Variants in AKTIP observed in about 807,000 individuals in gnomAD.
AKTIP encodes the protein AKT interacting protein, also known as AKT-interacting protein.
AKTIP carries 16 observed loss-of-function variants against 39.1 expected under a neutral mutation model. That is an observed-to-expected ratio of 0.41 (90% CI 0.28 to 0.62). AKTIP has a LOEUF of 0.62. Ranked by LOEUF, AKTIP falls within the 20% of genes least tolerant of loss-of-function variation. The pLI is 0.32. For missense variants in AKTIP, 262 were observed against 356.6 expected, an observed-to-expected ratio of 0.73 and a Z score of 2.14; for synonymous variants, 93 against 124.3, an observed-to-expected ratio of 0.75 and a Z score of 1.67.
At chr16:53,495,920 TCA>T (rs1363071587) in intron 3 of AKTIP, among the ~76,000 whole-genome samples, 1 of 152,218 alleles carries the variant, frequency 6.6e-6, no homozygotes, top group Non-Finnish European at 1.5e-5. Context: ...TGTGCGGCTC[TCA>T]CACGCCCTGC....
rs753857027 is a variant in AKTIP at position 53,492,759 on chromosome 16, GGAAGA to G, written c.711-11_711-7del. The G allele has an allele frequency of 1.9e-6, 3 of 1,612,554 alleles. No individual in the cohort carries two copies. Among genetic ancestry groups the G allele is most frequent in the South Asian group, 1.1e-5 (1 of 90,834 alleles). ...AAGGATTCCATGGAGAAAAGCTTAAGGAAGAGAAAAGTATTTAAAAACTATTTGTT... is the reference window on the plus strand; with the variant it reads ...AAGGATTCCATGGAGAAAAGCTTAAGGAAAAGTATTTAAAAACTATTTGTT... On this transcript the variant is annotated splice_region_variant and splice_polypyrimidine_tract_variant and intron_variant, in intron 8 of 9. Coordinates refer to ENST00000394657, the MANE Select transcript of AKTIP (RefSeq NM_022476.4).
At position 53,495,077 on chromosome 16, in the gene AKTIP, C is replaced by T. The variant is rs1427164346; in HGVS notation, c.410G>A (p.Cys137Tyr). 2 of 1,613,282 alleles carry T rather than the reference C, an allele frequency of 1.2e-6. No homozygotes were observed. The highest frequency in any genetic ancestry group is 1.3e-5 in the African/African-American group (1 of 75,042). The change falls in exon 5 of 10, where the codon TGT (cysteine) becomes TAT (tyrosine). Residue 137 changes from cysteine (C) to tyrosine (Y), a missense_variant. Transcript: ENST00000394657. Reference sequence around the variant, plus strand: ...CAGACTGTGTCTCCAACTTACTGGACAGTCACCATCTGGATAGTTATCAGG... The same window carrying T: ...CAGACTGTGTCTCCAACTTACTGGATAGTCACCATCTGGATAGTTATCAGG... ...YIPDNYPDGD[C>Y]PRLVFDIPVF...
intron 1 of AKTIP, chr16:53,502,826 C>T (rs914235379): frequency 6.6e-6 from 1 of 152,108 alleles, no homozygotes; most frequent in Non-Finnish European, 1.5e-5. Flanking sequence ...TTAACCAGAG[C>T]TCGGGGTCGG....
rs964048028 is a variant in AKTIP, at chr16:53,491,466, T to C, written c.*946A>G. 24 of 152,560 alleles carry C rather than the reference T, an allele frequency of 1.6e-4. No individual in the cohort carries two copies. The highest frequency in any genetic ancestry group is 2.2e-4 in the Non-Finnish European group (15 of 68,022). The allele number at this position is 152,560 out of a possible 1,614,324, so 9.5% of individuals were successfully genotyped here. A position where few individuals can be genotyped will look rare whatever the true frequency, so the allele number is the denominator to read the frequency against. Reference sequence around the variant, plus strand: ...TAATCTTATTAGGGAGAAAATTCAATTGTAAATTGAATCAGTATAAACAAA... The same window carrying C: ...TAATCTTATTAGGGAGAAAATTCAACTGTAAATTGAATCAGTATAAACAAA... On this transcript the variant is annotated 3_prime_UTR_variant, in exon 10 of 10. Coordinates refer to ENST00000394657, the MANE Select transcript of AKTIP (RefSeq NM_022476.4).
intron 8 of AKTIP, 104 bp from the exon 9 acceptor site, chr16:53,492,857 A>G (rs567932505): frequency 2.1e-5 from 20 of 930,320 alleles, no homozygotes; most frequent in Non-Finnish European, 3.4e-5. Context: ...AATAAAGCAC[A>G]GTATTTTTTA....
chr16:53,494,860 C>T (rs1871374395), intron 5 of AKTIP: 1 of 725,818 alleles, frequency 1.4e-6, no homozygotes, highest in Admixed American at 2.0e-5. Context: ...TGCAGGATGG[C>T]AGGCAGCCAG....
Position 53,491,574 on chromosome 16 carries a change from A to G in AKTIP, c.*838T>C, listed in dbSNP as rs1468357571. 6.6e-6 allele frequency: 1 copy of G among 152,630 alleles called. No individual in the cohort carries two copies. Among genetic ancestry groups the G allele is most frequent in the Admixed American group, 6.5e-5 (1 of 15,286 alleles). 9.5% of individuals were successfully genotyped at this position (152,630 alleles called of 1,614,324 possible). A position where few individuals can be genotyped will look rare whatever the true frequency, so the allele number is the denominator to read the frequency against. Reference sequence around the variant, plus strand: ...AATAGTGTTCTGCAAAAATATTTATAAAACTTCTCAAGATACTGCTACTGT... The same window carrying G: ...AATAGTGTTCTGCAAAAATATTTATGAAACTTCTCAAGATACTGCTACTGT... On this transcript the variant is annotated 3_prime_UTR_variant, in exon 10 of 10. Transcript: ENST00000394657.
intron 1 of AKTIP, among the ~76,000 whole-genome samples, chr16:53,502,251 G>C (rs1962210278): frequency 6.6e-6 from 1 of 152,206 alleles, no homozygotes; most frequent in Non-Finnish European, 1.5e-5. Flanking sequence ...AGAAACTGTA[G>C]CACACTTTTC....
At chr16:53,493,032 A>G (rs914964599) in intron 8 of AKTIP, 1 of 341,084 alleles carries the variant, frequency 2.9e-6, no homozygotes, top group South Asian at 3.6e-5. Context: ...GGGTTACCAG[A>G]GCTAAAAAGT....
At chr16:53,494,841 G>C (rs1403083286) in intron 5 of AKTIP, 1 of 719,376 alleles carries the variant, frequency 1.4e-6, no homozygotes, top group South Asian at 1.5e-5. Context: ...CCATTCACCT[G>C]GTGAGTGCTG....
At chr16:53,501,732 C>G (rs772573151) in intron 1 of AKTIP, 51 of 152,248 alleles carry the variant, frequency 3.3e-4, no homozygotes, top group Non-Finnish European at 6.6e-4. Flanking sequence ...CATACCTTGC[C>G]AGTGCCCATT....
upstream of AKTIP, among the ~76,000 whole-genome samples, chr16:53,503,835 C>T (rs1250369791): frequency 6.6e-6 from 1 of 152,232 alleles, no homozygotes; most frequent in Non-Finnish European, 1.5e-5. Context: ...CGCCCGTTCT[C>T]TCCATCAGTG....
chr16:53,494,487 G>A, intron 6 of AKTIP, 30 bp downstream of exon 6: 1 of 1,613,528 alleles, frequency 6.2e-7, no homozygotes, highest in South Asian at 1.1e-5. Flanking sequence ...GCTGTATTAT[G>A]TCACTAAAAG....
rs2150864865 is a variant in AKTIP at position 53,498,544 on chromosome 16, G to T, written c.95C>A (p.Pro32Gln). The T allele has an allele frequency of 6.2e-7, 1 of 1,614,146 alleles. No homozygotes were observed. The highest frequency in any genetic ancestry group is 1.3e-5 in the African/African-American group (1 of 75,034). Residue 32 changes from proline (P) to glutamine (Q), a missense_variant, in exon 3 of 10, where the codon CCA (proline) becomes CAA (glutamine). Physicochemically the swap from Pro to Gln is moderately conservative, Grantham distance 76. Coordinates refer to ENST00000394657, the MANE Select transcript of AKTIP (RefSeq NM_022476.4). ...CAGCTGTTTCTTTGGTGCAGTTCGT[G>T]GAGGACTGGTTTTCACGTCCCCTGT... ...TLTGDVKTSP[P>Q]RTAPKKQLPS... is the part of the protein sequence containing the mutation.
At chr16:53,498,276 A>G in intron 3 of AKTIP, 115 bp downstream of exon 3, 1 of 1,041,630 alleles carries the variant, frequency 9.6e-7, no homozygotes, top group Non-Finnish European at 1.5e-6. Context: ...GGAAAGGGAC[A>G]GGTTTGAGCT....
chr16:53,493,883 T>C lies in AKTIP; in HGVS notation c.710+255A>G, dbSNP rs920210321. 4.0e-5 allele frequency: 19 copies of C among 475,208 alleles called. No homozygotes were observed. The Admixed American group carries it at 5.6e-4, about 14-fold the overall frequency. The allele number at this position is 475,208 out of a possible 1,614,324, so 29.4% of individuals were successfully genotyped here. ...GTCCTGACATGGGAATGAATAAATA[T>C]ATCACAAGGATCCCTGGGAAACCAA... On this transcript the variant is annotated intron_variant, in intron 8 of 9. Transcript: ENST00000394657.
In AKTIP at chr16:53,492,565, G is replaced by A. The variant is rs148886167; in HGVS notation, c.772-46C>T. 5,079 of 1,607,740 alleles carry A rather than the reference G, an allele frequency of 3.2e-3. 31 individuals are homozygous for A. The highest frequency in any genetic ancestry group is 3.7e-3 in the Non-Finnish European group (4,345 of 1,174,338). ...AGATATTTAAAAAATTACTGGTGAG[G>A]AGATTTCAGCACTGTACAAACTTGT... On this transcript the variant is annotated intron_variant, in intron 9 of 9. Transcript: ENST00000394657.
chr16:53,492,859 T>C lies in AKTIP; in HGVS notation c.711-106A>G, dbSNP rs186114914. The C allele has an allele frequency of 7.7e-6, 7 of 903,758 alleles. No individual in the cohort carries two copies. In the Admixed American group the frequency reaches 1.2e-4, roughly 15 times the overall value. 56.0% of individuals were successfully genotyped at this position (903,758 alleles called of 1,614,324 possible). A position where few individuals can be genotyped will look rare whatever the true frequency, so the allele number is the denominator to read the frequency against. ...ATTCCCCTAACTTAATAAAGCACAG[T>C]ATTTTTTATTGTTGTCGACATGTAT... On this transcript the variant is annotated intron_variant, in intron 8 of 9. Transcript: ENST00000394657.
At position 53,492,382 on chromosome 16, in the gene AKTIP, A is replaced by G. The variant is rs1231000320; in HGVS notation, c.*30T>C. 6.3e-7 allele frequency: 1 copy of G among 1,590,070 alleles called. No individual in the cohort carries two copies. The highest frequency in any genetic ancestry group is 2.2e-5 in the East Asian group (1 of 44,786). ...TGAACTAGGCCAGAGTCTAGCAGGAAAGTGCATGGTGCACCAGATTCACCA... is the reference window on the plus strand; with the variant it reads ...TGAACTAGGCCAGAGTCTAGCAGGAGAGTGCATGGTGCACCAGATTCACCA... On this transcript the variant is annotated 3_prime_UTR_variant, in exon 10 of 10. Coordinates refer to ENST00000394657, the MANE Select transcript of AKTIP (RefSeq NM_022476.4).
Sources: gnomAD v4.1 joint callset for allele counts (sites outside exome capture counted in the v4.1 genomes callset) on GRCh38, gnomAD v4.1.1 for gene constraint, MANE v1.5 for transcripts, NCBI Gene and HGNC (gene_info 2026-07-23, HGNC 2026-07-21) for gene names.